The following DLGAP5 variants were observed in gnomAD, a reference collection of about 807,000 sequenced individuals.
The protein encoded by DLGAP5 is DLG associated protein 5.
A neutral mutation model predicts 99.6 loss-of-function variants in DLGAP5; 90 were observed. The ratio of observed to expected loss-of-function variants is 0.90; its 90% confidence interval spans 0.76 to 1.08. The LOEUF (loss-of-function observed/expected upper bound fraction) is 1.08, where lower values mean the gene tolerates loss of function less well. Ranked by LOEUF, DLGAP5 falls within the 50% of genes least tolerant of loss-of-function variation. The probability of loss-of-function intolerance (pLI) is 0.00; values close to 1 mark genes in which losing one functional copy is unlikely to be tolerated. For synonymous variants in DLGAP5, 311 were observed against 321.3 expected, an observed-to-expected ratio of 0.97 and a Z score of 0.34; for missense variants, 1,036 against 983.5, an observed-to-expected ratio of 1.05 and a Z score of -0.71.
intron 2 of DLGAP5, among the ~76,000 whole-genome samples, chr14:55,187,318 C>CT (rs1194143957): frequency 0.091 from 11,588 of 126,668 alleles, 1,483 homozygotes; most frequent in African/African-American, 0.25. Flanking sequence ...CAAAGTGATC[C>CT]TTTTTTTTTT....
chr14:55,156,049 C>T (rs1882207285), intron 14 of DLGAP5, among the ~76,000 whole-genome samples: 1 of 151,780 alleles, frequency 6.6e-6, no homozygotes, highest in Admixed American at 6.6e-5. Context: ...TGAGATCGTG[C>T]CACTGCACTC....
intron 14 of DLGAP5, among the ~76,000 whole-genome samples, chr14:55,157,249 T>C (rs1348076210): frequency 2.0e-5 from 3 of 152,104 alleles, no homozygotes; most frequent in Admixed American, 6.5e-5. Flanking sequence ...AAGGACTGAG[T>C]TGAGTATATG....
chr14:55,188,790 A>AG (rs1883510340), intron 2 of DLGAP5, 152 bp downstream of exon 2: 2 of 613,054 alleles, frequency 3.3e-6, no homozygotes, highest in East Asian at 6.1e-5. Flanking sequence ...AAAAAAAAAA[A>AG]AAAAAAAAAA....
intron 13 of DLGAP5, among the ~76,000 whole-genome samples, chr14:55,159,321 A>T (rs567795250): frequency 6.6e-6 from 1 of 152,314 alleles, no homozygotes; most frequent in East Asian, 1.9e-4. Flanking sequence ...TGGTCTTAAG[A>T]AAGTCACATT....
chr14:55,152,177 C>T (rs916382672), intron 16 of DLGAP5, among the ~76,000 whole-genome samples: 1 of 152,160 alleles, frequency 6.6e-6, no homozygotes, highest in Non-Finnish European at 1.5e-5. Context: ...AGCTCAGGGA[C>T]TGGCAAACAT....
chr14:55,158,821 T>C (rs530740891), intron 13 of DLGAP5, 80 bp from the exon 14 acceptor site: 2 of 959,586 alleles, frequency 2.1e-6, no homozygotes, highest in African/African-American at 3.3e-5. Context: ...AATTCATCAC[T>C]TAAAAATTTA....
Position 55,160,061 on chromosome 14 carries a change from G to T in DLGAP5, c.1654-1320C>A, listed in dbSNP as rs569404431. Reference sequence around the variant, plus strand: ...CCACTAAAAATACAAAAAATTAGCTGGGCAAGGTGGCACATGCCTGTAGTC... The same window carrying T: ...CCACTAAAAATACAAAAAATTAGCTTGGCAAGGTGGCACATGCCTGTAGTC... On this transcript the variant is annotated intron_variant, in intron 13 of 18. Transcript: ENST00000247191. Among the ~76,000 whole-genome samples the T allele has an allele frequency of 2.0e-5, 3 of 152,100 alleles. No homozygotes were observed. In the East Asian group the frequency reaches 5.8e-4, roughly 29 times the overall value.
chr14:55,185,070 T>C (rs991517445), intron 2 of DLGAP5, among the ~76,000 whole-genome samples: 1 of 152,250 alleles, frequency 6.6e-6, no homozygotes, highest in Non-Finnish European at 1.5e-5. Flanking sequence ...TACTGAATTG[T>C]TGCCATTATG....
Position 55,150,808 on chromosome 14 carries a change from A to T in DLGAP5, c.2409T>A (p.Leu803=), listed in dbSNP as rs781261250. Residue 803 remains leucine (L), a synonymous_variant, in exon 18 of 19, where the codon CTT becomes CTA. Coordinates refer to ENST00000247191, the MANE Select transcript of DLGAP5 (RefSeq NM_014750.5). Reference sequence around the variant, plus strand: ...AAGTTGGAAAACTTACTGAATCAAGAAGGTGGCATTCAGTAGTGAGACTTT... The same window carrying T: ...AAGTTGGAAAACTTACTGAATCAAGTAGGTGGCATTCAGTAGTGAGACTTT... ...DNKSLTTECH[L]LDSPGLNCSN... 6 of 1,576,952 alleles carry T rather than the reference A, an allele frequency of 3.8e-6. No homozygotes were observed. The highest frequency in any genetic ancestry group is 1.4e-5 in the African/African-American group (1 of 71,952).
At chr14:55,164,252 C>T (rs868631529) in intron 12 of DLGAP5, among the ~76,000 whole-genome samples, 1 of 151,962 alleles carries the variant, frequency 6.6e-6, no homozygotes, top group Admixed American at 6.6e-5. Flanking sequence ...AGGGGGATTG[C>T]TTGAACCGAG....
rs1357202920 is a variant in DLGAP5, at chr14:55,154,745, TTTGTTGACAGACTTAGGTGTTCCAAGTC to T, written c.1907_1934del (p.Arg636LysfsTer32). 1 of 1,614,158 alleles carries T rather than the reference TTTGTTGACAGACTTAGGTGTTCCAAGTC, an allele frequency of 6.2e-7. No individual in the cohort carries two copies. Among genetic ancestry groups the T allele is most frequent in the South Asian group, 1.1e-5 (1 of 91,084 alleles). On this transcript the variant is annotated frameshift_variant, in exon 15 of 19. Transcript: ENST00000247191. LOFTEE classifies it high-confidence loss of function. ...TCTCATTTCTACTCTGAGATACAGCTTTGTTGACAGACTTAGGTGTTCCAAGTCTTTGAGAAGGGCCTTCAGAAGAGAC... is the reference window on the plus strand; with the variant it reads ...TCTCATTTCTACTCTGAGATACAGCTTTTGAGAAGGGCCTTCAGAAGAGAC...
intron 13 of DLGAP5, among the ~76,000 whole-genome samples, chr14:55,162,470 T>C (rs767680989): frequency 6.6e-6 from 1 of 151,986 alleles, no homozygotes; most frequent in Non-Finnish European, 1.5e-5. Context: ...ATACAAAAAA[T>C]TAGCCGGGTG....
chr14:55,189,687 C>T (rs1320240536), intron 1 of DLGAP5, among the ~76,000 whole-genome samples: 3 of 152,126 alleles, frequency 2.0e-5, no homozygotes, highest in Non-Finnish European at 2.9e-5. Context: ...AGGCACAGGG[C>T]AAAGTATGTG....
chr14:55,179,807 G>A lies in DLGAP5; in HGVS notation c.704-108C>T, dbSNP rs1415347188. Reference sequence around the variant, plus strand: ...AACAGTAGGAATATATGTCTTGAAGGATTTTTTTATTAAAAGCCATATTAT... The same window carrying A: ...AACAGTAGGAATATATGTCTTGAAGAATTTTTTTATTAAAAGCCATATTAT... On this transcript the variant is annotated intron_variant, in intron 6 of 18. Coordinates refer to ENST00000247191, the MANE Select transcript of DLGAP5 (RefSeq NM_014750.5). The A allele has an allele frequency of 4.8e-6, 4 of 833,844 alleles. No individual in the cohort carries two copies. The African/African-American group carries it at 5.3e-5, about 11-fold the overall frequency. 51.7% of individuals were successfully genotyped at this position (833,844 alleles called of 1,614,324 possible).
intron 10 of DLGAP5, 32 bp from the exon 11 acceptor site, chr14:55,170,819 A>G (rs913955114): frequency 6.4e-7 from 1 of 1,570,878 alleles, no homozygotes. Context: ...CAGTTCTACA[A>G]GTGGTTTTTA....
At chr14:55,168,160 G>A (rs996939845) in intron 12 of DLGAP5, among the ~76,000 whole-genome samples, 6 of 152,050 alleles carry the variant, frequency 3.9e-5, no homozygotes, top group Non-Finnish European at 7.4e-5. Flanking sequence ...ACTATGTTGC[G>A]CAGGCTGGTC....
chr14:55,182,158 A>T (rs1330066925), intron 4 of DLGAP5, among the ~76,000 whole-genome samples: 2 of 152,234 alleles, frequency 1.3e-5, no homozygotes, highest in Non-Finnish European at 2.9e-5. Context: ...TGACACAAAG[A>T]CAGTTTGCCA....
chr14:55,169,452 T>A lies in DLGAP5; in HGVS notation c.1495A>T (p.Lys499Ter), dbSNP rs775740751. 1.2e-6 allele frequency: 2 copies of A among 1,612,862 alleles called. No individual in the cohort carries two copies. The highest frequency in any genetic ancestry group is 1.7e-6 in the Non-Finnish European group (2 of 1,179,624). ...TCCAGATCTGTACAGGTAGTCTCCT[T>A]TATACCTCGTTTATATTCACAATCA... is the stretch of plus-strand genomic sequence containing the variant. Reference protein sequence around the residue: ...VDDCEYKRGIKETTCTDLDGF... With the variant: ...VDDCEYKRGI Residue 499 changes from lysine (K) to a stop codon, truncating the protein, a stop_gained, in exon 12 of 19, where the codon AAG (lysine) becomes TAG (stop). Transcript: ENST00000247191. LOFTEE classifies it high-confidence loss of function.
At chr14:55,154,502 G>A (rs767457584) in intron 15 of DLGAP5, 115 bp downstream of exon 15, 1 of 838,732 alleles carries the variant, frequency 1.2e-6, no homozygotes, top group South Asian at 1.6e-5. Context: ...ATGTTGCAGG[G>A]TCATTATGAA....
Sources: allele counts gnomAD v4.1 joint callset (sites outside exome capture counted in the v4.1 genomes callset), GRCh38; gene constraint gnomAD v4.1.1; transcripts MANE v1.5; gene names NCBI Gene and HGNC (gene_info 2026-07-23, HGNC 2026-07-21).